Variants in ANO2 observed in about 807,000 individuals in gnomAD.
ANO2 encodes the protein anoctamin 2.
In ANO2, 101 loss-of-function variants were observed where a neutral mutation model predicts 124.2. That is an observed-to-expected ratio of 0.81 (90% CI 0.69 to 0.96). ANO2 has a LOEUF of 0.96. Among genes scored for constraint, ANO2 ranks in the 40% least tolerant of loss-of-function variants. The pLI is 0.00. For missense variants in ANO2, 1,293 were observed against 1,274.5 expected, an observed-to-expected ratio of 1.01 and a Z score of -0.22; for synonymous variants, 486 against 482.5, an observed-to-expected ratio of 1.01 and a Z score of -0.09.
chr12:5,647,807 G>C lies in ANO2; in HGVS notation c.1546-6C>G, dbSNP rs775621382. ...GTCAGTTTATCTTCATCATCCTGGG[G>C]AGAAACGGGAGAGTAGAGACAATCA... On this transcript the variant is annotated splice_region_variant and splice_polypyrimidine_tract_variant and intron_variant, in intron 14 of 24. Transcript: ENST00000682330. 1 of 1,604,118 alleles carries C rather than the reference G, an allele frequency of 6.2e-7. No homozygotes were observed. Among genetic ancestry groups the C allele is most frequent in the Non-Finnish European group, 8.5e-7 (1 of 1,174,500 alleles).
At chr12:5,945,742 C>A (rs1165446027), upstream of ANO2, among the ~76,000 whole-genome samples, 1 of 152,262 alleles carries the variant, frequency 6.6e-6, no homozygotes, top group African/African-American at 2.4e-5. Flanking sequence ...TGTCTCCATA[C>A]TAGGTGGAGA....
rs577410146 is a variant in ANO2, at chr12:5,775,278, C to G, written c.1055+24229G>C. ...GAATAGAAATAATTACGTGCACACA[C>G]ACAGAGAGAGAGAGAGAGAGAAAAA... On this transcript the variant is annotated intron_variant, in intron 10 of 24. Coordinates refer to ENST00000682330, the MANE Select transcript of ANO2 (RefSeq NM_001364791.2). 3.5e-3 allele frequency among the ~76,000 whole-genome samples: 539 copies of G among 151,930 alleles called. 2 individuals carry two copies. The highest frequency in any genetic ancestry group is 0.011 in the African/African-American group (470 of 41,430).
intron 14 of ANO2, among the ~76,000 whole-genome samples, chr12:5,731,622 C>A (rs1950639071): frequency 6.6e-6 from 1 of 151,964 alleles, no homozygotes; most frequent in East Asian, 1.9e-4. Context: ...CCCCTCCTCG[C>A]TTTCAAAGAC....
intron 19 of ANO2, among the ~76,000 whole-genome samples, chr12:5,612,186 G>C (rs747859157): frequency 6.6e-6 from 1 of 152,122 alleles, no homozygotes; most frequent in Non-Finnish European, 1.5e-5. Context: ...GGGAGCATAG[G>C]GGGGAATCCA....
intron 20 of ANO2, among the ~76,000 whole-genome samples, chr12:5,594,396 G>C (rs1298700813): frequency 2.0e-5 from 3 of 152,170 alleles, no homozygotes; most frequent in Non-Finnish European, 4.4e-5. Flanking sequence ...AGAGTATACA[G>C]TCACCACATT....
intron 16 of ANO2, among the ~76,000 whole-genome samples, chr12:5,631,393 C>T (rs1945711962): frequency 6.6e-6 from 1 of 152,242 alleles, no homozygotes; most frequent in Non-Finnish European, 1.5e-5. Context: ...CCAACTCCCC[C>T]AGAGTGCACA....
chr12:5,780,521 A>C (rs1487013091), intron 10 of ANO2, among the ~76,000 whole-genome samples: 1 of 152,230 alleles, frequency 6.6e-6, no homozygotes, highest in Non-Finnish European at 1.5e-5. Flanking sequence ...AAAACAGAGA[A>C]ACTTCCATTA....
At chr12:5,914,167 TC>T (rs1443613286) in intron 3 of ANO2, among the ~76,000 whole-genome samples, 3 of 151,008 alleles carry the variant, frequency 2.0e-5, no homozygotes, top group East Asian at 1.9e-4. Flanking sequence ...GCTACTGCAC[TC>T]CAGCCTAGGT....
intron 14 of ANO2, among the ~76,000 whole-genome samples, chr12:5,691,337 A>G (rs1948931945): frequency 1.4e-5 from 2 of 146,992 alleles, no homozygotes; most frequent in African/African-American, 5.0e-5. Context: ...CAAAAAAAAA[A>G]AAAAAAAAAA....
At chr12:5,571,351 A>C (rs1942104639) in intron 23 of ANO2, among the ~76,000 whole-genome samples, 1 of 152,250 alleles carries the variant, frequency 6.6e-6, no homozygotes, top group African/African-American at 2.4e-5. Flanking sequence ...CAGTCAGATG[A>C]CAGAGGCAAG....
intron 17 of ANO2, among the ~76,000 whole-genome samples, chr12:5,614,011 G>A (rs186871258): frequency 1.3e-5 from 2 of 152,206 alleles, no homozygotes; most frequent in African/African-American, 4.8e-5. Context: ...AAACACCTCT[G>A]TAAGAAATTA....
At chr12:5,677,562 T>C (rs1948302856) in intron 14 of ANO2, among the ~76,000 whole-genome samples, 1 of 152,130 alleles carries the variant, frequency 6.6e-6, no homozygotes, top group Admixed American at 6.5e-5. Context: ...GTTGGGAAAC[T>C]TCTCTATGCT....
chr12:5,641,067 C>T (rs1481968297), intron 15 of ANO2, among the ~76,000 whole-genome samples: 1 of 152,164 alleles, frequency 6.6e-6, no homozygotes, highest in African/African-American at 2.4e-5. Context: ...AGTTCATGTT[C>T]TTTGCAGGGA....
At chr12:5,709,632 C>T (rs1476526612) in intron 14 of ANO2, among the ~76,000 whole-genome samples, 1 of 152,230 alleles carries the variant, frequency 6.6e-6, no homozygotes, top group Non-Finnish European at 1.5e-5. Context: ...GCCCCTTAGG[C>T]TTCCCCAGCT....
intron 14 of ANO2, among the ~76,000 whole-genome samples, chr12:5,728,821 C>T (rs968824828): frequency 6.6e-6 from 1 of 152,152 alleles, no homozygotes; most frequent in Admixed American, 6.5e-5. Flanking sequence ...AATTGATGTC[C>T]AGAAATAAAC....
At chr12:5,796,644 G>A (rs1440283170) in intron 10 of ANO2, among the ~76,000 whole-genome samples, 1 of 152,326 alleles carries the variant, frequency 6.6e-6, no homozygotes, top group East Asian at 1.9e-4. Flanking sequence ...TGCGGGGCTG[G>A]AGGCCATCAG....
chr12:5,733,006 C>T, intron 13 of ANO2: 2 of 1,058,988 alleles, frequency 1.9e-6, no homozygotes, highest in Admixed American at 3.9e-5. Flanking sequence ...ATCCCACCAA[C>T]TATCGTCAGA....
intron 16 of ANO2, among the ~76,000 whole-genome samples, chr12:5,628,071 G>A (rs1448572539): frequency 1.3e-5 from 2 of 152,178 alleles, no homozygotes; most frequent in Non-Finnish European, 2.9e-5. Context: ...CTGCACCCCA[G>A]TCGGGGCAAC....
At chr12:5,758,621 A>G (rs1951650029) in intron 10 of ANO2, among the ~76,000 whole-genome samples, 1 of 152,162 alleles carries the variant, frequency 6.6e-6, no homozygotes, top group African/African-American at 2.4e-5. Context: ...GGCTCACACA[A>G]AGCATAAGGT....
Sources: gnomAD v4.1 joint callset for allele counts (sites outside exome capture counted in the v4.1 genomes callset) on GRCh38, gnomAD v4.1.1 for gene constraint, MANE v1.5 for transcripts, NCBI Gene and HGNC (gene_info 2026-07-23, HGNC 2026-07-21) for gene names.